Variants in TM4SF19 observed in about 807,000 individuals in gnomAD.
The protein encoded by TM4SF19 is transmembrane 4 L6 family member 19.
Under a neutral mutation model 21.8 loss-of-function variants are expected in TM4SF19, and 17 were observed. The observed-to-expected ratio is 0.78, with a 90% CI of 0.53 to 1.17. TM4SF19 has a LOEUF of 1.17. Ranked by LOEUF, TM4SF19 falls within the 50% of genes most tolerant of loss-of-function variation. The pLI is 0.00. For missense variants in TM4SF19, 216 were observed against 252.1 expected (o/e 0.86, Z 0.97); for synonymous variants, 107 against 106.7 (o/e 1.00, Z -0.02).
chr3:196,327,006 G>A lies in TM4SF19; in HGVS notation c.228C>T (p.Ser76=). The change falls in exon 3 of 5, where the codon TCC becomes TCT. Residue 76 remains serine, a synonymous_variant. Coordinates refer to ENST00000273695, the MANE Select transcript of TM4SF19 (RefSeq NM_138461.4). ...LMVLTAAILI[S]LMGWRYGCFS... ...AGCAGCCGTATCTCCAGCCCATCAA[G>A]GAGATGAGGATAGCTGCAGTGAGTA... 1 of 1,611,620 alleles carries A rather than the reference G, an allele frequency of 6.2e-7. No individual in the cohort carries two copies. The highest frequency in any genetic ancestry group is 8.5e-7 in the Non-Finnish European group (1 of 1,177,874).
chr3:196,329,201 C>G lies in TM4SF19; in HGVS notation c.-1-1610G>C, dbSNP rs549418874. Among the ~76,000 whole-genome samples the G allele has an allele frequency of 3.2e-5, 4 of 126,814 alleles. 1 individual carries two copies. Among genetic ancestry groups the G allele is most frequent in the African/African-American group, 1.1e-4 (4 of 37,792 alleles). 83.2% of individuals were successfully genotyped at this position (126,814 alleles called of 152,430 possible). A position where few individuals can be genotyped will look rare whatever the true frequency, so the allele number is the denominator to read the frequency against. On this transcript the variant is annotated intron_variant, in intron 1 of 4. Transcript: ENST00000273695. ...TCGTGATCCGCCTGTCTCGGGCTCC[C>G]AAAGTGCTGGGATTACAGGCATGAG...
intron 1 of TM4SF19, among the ~76,000 whole-genome samples, chr3:196,334,808 G>T (rs9846367): frequency 0.039 from 4,594 of 116,884 alleles, 177 homozygotes; most frequent in Non-Finnish European, 0.058. Flanking sequence ...GGAGGGTGGG[G>T]GTAGGAGAGA....
rs1255473057 is a variant in TM4SF19, at chr3:196,329,082, T to TA, written c.-1-1492dup. 3.0e-5 allele frequency among the ~76,000 whole-genome samples: 4 copies of TA among 135,018 alleles called. 1 individual carries two copies. Among genetic ancestry groups the TA allele is most frequent in the Admixed American group, 8.2e-5 (1 of 12,262 alleles). The allele number at this position is 135,018 out of a possible 152,430, so 88.6% of individuals were successfully genotyped here. ...CCTCAGCCTCCCAAGTAGCTGGGAT[T>TA]ACAGGTGCCCGCCACCATGCCCGGT... On this transcript the variant is annotated intron_variant, in intron 1 of 4. Transcript: ENST00000273695.
intron 1 of TM4SF19, among the ~76,000 whole-genome samples, chr3:196,337,154 C>T (rs1186013448): frequency 2.0e-5 from 3 of 146,788 alleles, no homozygotes; most frequent in Non-Finnish European, 4.5e-5. Context: ...CTCCGCCTCT[C>T]GGGTTCAAGT....
chr3:196,326,459 T>C (rs67204670), intron 3 of TM4SF19, among the ~76,000 whole-genome samples: 53,722 of 151,858 alleles, frequency 0.35, 10,457 homozygotes, highest in East Asian at 0.81. Flanking sequence ...TTTATACAGT[T>C]GCTGCTGTAA....
intron 1 of TM4SF19, among the ~76,000 whole-genome samples, chr3:196,330,312 G>A (rs189733061): frequency 2.4e-4 from 37 of 152,214 alleles, no homozygotes; most frequent in African/African-American, 8.9e-4. Context: ...GTGAAGAAAA[G>A]TTTTGGAAAT....
intron 3 of TM4SF19, 148 bp from the exon 4 acceptor site, chr3:196,324,588 C>T (rs1218815447): frequency 8.3e-6 from 6 of 721,752 alleles, no homozygotes; most frequent in Non-Finnish European, 1.4e-5. Context: ...TCTCAGTGTT[C>T]TTCCGTCCTG....
At chr3:196,337,263 G>C (rs1727801731) in intron 1 of TM4SF19, among the ~76,000 whole-genome samples, 1 of 151,802 alleles carries the variant, frequency 6.6e-6, no homozygotes, top group Non-Finnish European at 1.5e-5. Flanking sequence ...TCGCCATGTG[G>C]GTCAGGCTGG....
intron 3 of TM4SF19, among the ~76,000 whole-genome samples, chr3:196,326,071 T>C (rs1577405130): frequency 6.6e-6 from 1 of 152,040 alleles, no homozygotes; most frequent in East Asian, 1.9e-4. Context: ...GCCTCCCGGG[T>C]TCAAGAGATT....
At chr3:196,331,284 A>AAT (rs1553845563) in intron 1 of TM4SF19, among the ~76,000 whole-genome samples, 9 of 149,072 alleles carry the variant, frequency 6.0e-5, no homozygotes, top group African/African-American at 1.5e-4. Flanking sequence ...CTAAAAAAAA[A>AAT]ATATATATAT....
chr3:196,337,058 T>C (rs1727790739), intron 1 of TM4SF19, among the ~76,000 whole-genome samples: 1 of 104,102 alleles, frequency 9.6e-6, no homozygotes, highest in South Asian at 4.0e-4. Context: ...ATTCTTTTTT[T>C]TTTTTTTTTT....
At chr3:196,324,488 G>T (rs368868397) in intron 3 of TM4SF19, 48 bp from the exon 4 acceptor site, 1 of 1,598,444 alleles carries the variant, frequency 6.3e-7, no homozygotes, top group Non-Finnish European at 8.6e-7. Context: ...CGCAGCTGGG[G>T]AGCCTGCGGA....
chr3:196,324,506 GA>G, intron 3 of TM4SF19, 66 bp from the exon 4 acceptor site: 1 of 1,566,416 alleles, frequency 6.4e-7, no homozygotes, highest in Non-Finnish European at 8.8e-7. Flanking sequence ...GGAGGGAGGA[GA>G]AACGCTGAGC....
At chr3:196,330,687 C>T (rs1394248575) in intron 1 of TM4SF19, among the ~76,000 whole-genome samples, 1 of 152,108 alleles carries the variant, frequency 6.6e-6, no homozygotes, top group Admixed American at 6.6e-5. Context: ...TGAGCGGTTG[C>T]CATGGGCTGA....
At chr3:196,335,172 G>A (rs1424812961) in intron 1 of TM4SF19, among the ~76,000 whole-genome samples, 9 of 68,762 alleles carry the variant, frequency 1.3e-4, no homozygotes, top group East Asian at 5.1e-4. Context: ...TAGGAGAGGG[G>A]AGAGGTGCCC....
At chr3:196,328,678 G>T (rs1332387972) in intron 1 of TM4SF19, among the ~76,000 whole-genome samples, 1 of 152,140 alleles carries the variant, frequency 6.6e-6, no homozygotes, top group African/African-American at 2.4e-5. Flanking sequence ...TTGATGCAAA[G>T]ATTTAAAGCA....
chr3:196,325,669 T>C lies in TM4SF19; in HGVS notation c.280-1229A>G, dbSNP rs1727256687. The stretch of plus-strand genomic sequence containing the variant: ...TGGGGAGGGATCAGACAAAGGTGCA[T>C]AGTAAGTTTTGACTCTGAGTTAAAG... On this transcript the variant is annotated intron_variant, in intron 3 of 4. Coordinates refer to ENST00000273695, the MANE Select transcript of TM4SF19 (RefSeq NM_138461.4). This position sits in a 1 kb window ranked among gnomAD's most constrained non-coding sequence, Gnocchi z 4.3. 1 of 152,130 alleles carries C rather than the reference T, an allele frequency of 6.6e-6. No individual in the cohort carries two copies. Among genetic ancestry groups the C allele is most frequent in the Non-Finnish European group, 1.5e-5 (1 of 68,028 alleles). 9.4% of individuals were successfully genotyped at this position (152,130 alleles called of 1,614,324 possible).
intron 1 of TM4SF19, 129 bp from the exon 2 acceptor site, chr3:196,327,720 G>C: frequency 1.4e-6 from 1 of 703,904 alleles, no homozygotes; most frequent in Non-Finnish European, 2.4e-6. Flanking sequence ...AGACCAATGA[G>C]AGCCAAGCAA....
intron 2 of TM4SF19, 96 bp from the exon 3 acceptor site, chr3:196,327,128 T>A: frequency 9.9e-7 from 1 of 1,015,220 alleles, no homozygotes; most frequent in Non-Finnish European, 1.5e-6. Context: ...GCAGCTCACA[T>A]GAACGCAGTC....
Sources: allele counts gnomAD v4.1 joint callset (sites outside exome capture counted in the v4.1 genomes callset), GRCh38; gene constraint gnomAD v4.1.1; non-coding constraint Gnocchi (gnomAD v3.1); transcripts MANE v1.5; gene names NCBI Gene and HGNC (gene_info 2026-07-23, HGNC 2026-07-21).